The following TFEC variants were observed in gnomAD, a reference collection of about 807,000 sequenced individuals.
TFEC encodes transcription factor EC.
TFEC carries 31 observed loss-of-function variants against 41.6 expected under a neutral mutation model. The ratio of observed to expected loss-of-function variants is 0.74; its 90% CI spans 0.56 to 1.01. TFEC has a LOEUF of 1.01. TFEC is among the 50% of genes least tolerant of loss of function. The pLI, the probability that TFEC is intolerant of heterozygous loss-of-function variation, is 0.00. For synonymous variants in TFEC, 143 were observed against 140.6 expected, an observed-to-expected ratio of 1.02 and a Z score of -0.12; for missense variants, 402 against 404.1, an observed-to-expected ratio of 0.99 and a Z score of 0.04.
intron 3 of TFEC, among the ~76,000 whole-genome samples, chr7:116,098,867 AAAG>A (rs1173266255): frequency 2.6e-5 from 3 of 115,042 alleles, no homozygotes; most frequent in Non-Finnish European, 3.6e-5. Context: ...GAGAGGAAGA[AAAG>A]GAAGGAAGGA....
At chr7:116,143,165 C>T (rs566777829) in intron 1 of TFEC, among the ~76,000 whole-genome samples, 1 of 152,252 alleles carries the variant, frequency 6.6e-6, no homozygotes, top group South Asian at 2.1e-4. Flanking sequence ...GGGACAATTG[C>T]CTTGAACCAG....
intron 1 of TFEC, among the ~76,000 whole-genome samples, chr7:116,023,775 A>G (rs779935501): frequency 6.6e-6 from 1 of 152,106 alleles, no homozygotes; most frequent in Non-Finnish European, 1.5e-5. Flanking sequence ...CCAGGGAAAA[A>G]TGCTAAATAT....
At chr7:116,105,992 T>C (rs1300898636) in intron 3 of TFEC, among the ~76,000 whole-genome samples, 1 of 152,100 alleles carries the variant, frequency 6.6e-6, no homozygotes, top group African/African-American at 2.4e-5. Flanking sequence ...TTTTCTTTCT[T>C]TTGTAGAAAA....
Position 116,009,255 on chromosome 7 carries a change from A to AG in TFEC, c.-73+21377_-73+21378insC, listed in dbSNP as rs555210889. 3.2e-4 allele frequency among the ~76,000 whole-genome samples: 48 copies of AG among 152,256 alleles called. 1 individual carries two copies. Among genetic ancestry groups the AG allele is most frequent in the Non-Finnish European group, 6.5e-4 (44 of 67,986 alleles). On this transcript the variant is annotated intron_variant, in intron 1 of 7. Coordinates refer to ENST00000265440, the MANE Select transcript of TFEC (RefSeq NM_012252.4). Reference sequence around the variant, plus strand: ...GATCCATTTTTTAAAAGTATGAGTAATTTTTTAAGATGTAAACTTGAATTA... The same window carrying AG: ...GATCCATTTTTTAAAAGTATGAGTAAGTTTTTTAAGATGTAAACTTGAATTA...
intron 1 of TFEC, among the ~76,000 whole-genome samples, chr7:115,996,506 C>T (rs1450210340): frequency 1.3e-5 from 2 of 151,860 alleles, no homozygotes; most frequent in Non-Finnish European, 2.9e-5. Context: ...GTATTCCCAG[C>T]TATGGTGGGT....
chr7:116,052,590 T>G (rs1156254554), intron 3 of TFEC, among the ~76,000 whole-genome samples: 1 of 151,786 alleles, frequency 6.6e-6, no homozygotes, highest in Non-Finnish European at 1.5e-5. Context: ...CACCACGCCC[T>G]TCTAATTTTT....
chr7:116,087,795 C>T (rs543864244), intron 3 of TFEC, among the ~76,000 whole-genome samples: 1 of 152,092 alleles, frequency 6.6e-6, no homozygotes, highest in South Asian at 2.1e-4. Flanking sequence ...TAAATAGCTC[C>T]AGCAACAGGG....
intron 1 of TFEC, among the ~76,000 whole-genome samples, chr7:116,154,662 T>A (rs977294769): frequency 6.6e-6 from 1 of 152,180 alleles, no homozygotes; most frequent in African/African-American, 2.4e-5. Context: ...TATTAAGTAT[T>A]AATATTTGCA....
In TFEC at chr7:115,970,339, G is replaced by A. The variant is rs1010151; in HGVS notation, c.267+3831C>T. On this transcript the variant is annotated intron_variant, in intron 3 of 7. Transcript: ENST00000265440. ...AGTTTGCTATTGATTGCTATTGATT[G>A]GCTTGCTATTGATTGGTTTTCAGAG... Among the ~76,000 whole-genome samples, 3 of 152,072 alleles carry A rather than the reference G, an allele frequency of 2.0e-5. No individual in the cohort carries two copies. In the South Asian group the frequency reaches 6.2e-4, roughly 32 times the overall value.
exon 1 of TFEC, chr7:116,159,884 TCTC>T (rs1239235546): frequency 2.0e-5 from 3 of 152,202 alleles, no homozygotes; most frequent in East Asian, 1.9e-4. Flanking sequence ...TACTCCCACT[TCTC>T]CTCTTTTTCT....
At chr7:116,138,539 C>A (rs1227886439) in intron 1 of TFEC, among the ~76,000 whole-genome samples, 1 of 152,132 alleles carries the variant, frequency 6.6e-6, no homozygotes, top group East Asian at 1.9e-4. Context: ...AGCTACTAAT[C>A]TACAGAGAAA....
At chr7:116,135,761 G>T (rs1169398780) in intron 1 of TFEC, among the ~76,000 whole-genome samples, 1 of 151,900 alleles carries the variant, frequency 6.6e-6, no homozygotes, top group Non-Finnish European at 1.5e-5. Context: ...TTCTTCATAG[G>T]CTTAAACCAT....
chr7:116,072,980 A>C (rs1004450760), intron 3 of TFEC, among the ~76,000 whole-genome samples: 2 of 151,310 alleles, frequency 1.3e-5, no homozygotes, highest in Non-Finnish European at 3.0e-5. Context: ...TAAATAATTA[A>C]TTAATAATTA....
intron 3 of TFEC, among the ~76,000 whole-genome samples, chr7:116,046,479 C>G (rs76259311): frequency 2.6e-5 from 4 of 152,022 alleles, no homozygotes; most frequent in African/African-American, 9.7e-5. Flanking sequence ...TGCCATGATT[C>G]GAAGGCCTTC....
chr7:116,095,786 T>C (rs1436858216), intron 3 of TFEC, among the ~76,000 whole-genome samples: 2 of 152,182 alleles, frequency 1.3e-5, no homozygotes, highest in Admixed American at 1.3e-4. Context: ...GCTCTCTTTC[T>C]TGAATATCTC....
At chr7:115,976,121 T>G (rs1320981554) in intron 2 of TFEC, among the ~76,000 whole-genome samples, 1 of 152,150 alleles carries the variant, frequency 6.6e-6, no homozygotes, top group Non-Finnish European at 1.5e-5. Flanking sequence ...TCATTTAATT[T>G]TTTTAAATGT....
chr7:115,995,058 G>A (rs1434370724), intron 1 of TFEC, among the ~76,000 whole-genome samples: 2 of 152,198 alleles, frequency 1.3e-5, no homozygotes, highest in South Asian at 2.1e-4. Context: ...GGACATGGAT[G>A]AAGCTGGAAA....
At chr7:116,066,376 A>G (rs1796694944) in intron 3 of TFEC, among the ~76,000 whole-genome samples, 1 of 152,156 alleles carries the variant, frequency 6.6e-6, no homozygotes. Flanking sequence ...GTTCATGTCT[A>G]AGAGATTAAT....
At chr7:116,037,559 T>C (rs564481850) in intron 3 of TFEC, among the ~76,000 whole-genome samples, 1 of 152,004 alleles carries the variant, frequency 6.6e-6, no homozygotes, top group African/African-American at 2.4e-5. Context: ...ATTACCAGTT[T>C]GAGAAATGCG....
Sources: allele counts gnomAD v4.1 joint callset (sites outside exome capture counted in the v4.1 genomes callset), GRCh38; gene constraint gnomAD v4.1.1; transcripts MANE v1.5; gene names NCBI Gene and HGNC (gene_info 2026-07-23, HGNC 2026-07-21).